RPH3A: variants seen among roughly 807,000 people sequenced by gnomAD.
The protein encoded by RPH3A is rabphilin-3A.
Under a neutral mutation model 102.2 loss-of-function variants are expected in RPH3A, and 48 were observed. The ratio of observed to expected loss-of-function variants is 0.47; its 90% confidence interval spans 0.37 to 0.60. RPH3A has a LOEUF of 0.60. RPH3A is among the 20% of genes least tolerant of loss of function. The pLI, the probability that RPH3A is intolerant of heterozygous loss-of-function variation, is 0.00. For missense variants in RPH3A, 781 were observed against 910.1 expected (o/e 0.86, Z 1.83); for synonymous variants, 310 against 324.3 (o/e 0.96, Z 0.47).
intron 4 of RPH3A, among the ~76,000 whole-genome samples, chr12:112,847,250 A>T (rs921550033): frequency 3.9e-5 from 6 of 152,212 alleles, no homozygotes; most frequent in Non-Finnish European, 8.8e-5. Context: ...ATTTATGTGA[A>T]TTCAAGAGAT....
At chr12:112,789,420 A>T (rs574950580), upstream of RPH3A, among the ~76,000 whole-genome samples, 1 of 152,230 alleles carries the variant, frequency 6.6e-6, no homozygotes, top group African/African-American at 2.4e-5. Context: ...TGTAGAATGC[A>T]TTTGAAATGA....
chr12:112,847,166 A>AAAAAG (rs2042244881), intron 4 of RPH3A, among the ~76,000 whole-genome samples: 1 of 152,236 alleles, frequency 6.6e-6, no homozygotes, highest in South Asian at 2.1e-4. Context: ...GTGTTCGCTT[A>AAAAAG]AAAAGAAAAG....
At chr12:112,693,451 C>G (rs761476930) in intron 1 of RPH3A, among the ~76,000 whole-genome samples, 1 of 152,248 alleles carries the variant, frequency 6.6e-6, no homozygotes, top group Non-Finnish European at 1.5e-5. Context: ...TTTCATCCAA[C>G]ATCTCATCCT....
chr12:112,880,577 A>G (rs1305233171), intron 14 of RPH3A, among the ~76,000 whole-genome samples: 1 of 152,174 alleles, frequency 6.6e-6, no homozygotes, highest in African/African-American at 2.4e-5. Context: ...AGTTGCTGCC[A>G]GCCCCATTGA....
intron 15 of RPH3A, among the ~76,000 whole-genome samples, chr12:112,882,661 T>C (rs955684616): frequency 6.6e-6 from 1 of 152,214 alleles, no homozygotes; most frequent in African/African-American, 2.4e-5. Flanking sequence ...CATGGCCAAA[T>C]TATGAAGTGT....
Position 112,648,570 on chromosome 12 carries a change from C to CAAAAAAA in RPH3A, c.-140+73273_-140+73279dup, listed in dbSNP as rs1167121829. On this transcript the variant is annotated intron_variant, in intron 1 of 21. Transcript: ENST00000543106. Reference sequence around the variant, plus strand: ...GCAACAGAGTGAAACCCCATCTCTACAAAAAAAAAAAAAAAAAAAAAAAAA... The same window carrying CAAAAAAA: ...GCAACAGAGTGAAACCCCATCTCTACAAAAAAAAAAAAAAAAAAAAAAAAAAAAAAAA... 3.2e-3 allele frequency among the ~76,000 whole-genome samples: 35 copies of CAAAAAAA among 11,044 alleles called. 14 individuals are homozygous for CAAAAAAA. Among genetic ancestry groups the CAAAAAAA allele is most frequent in the African/African-American group, 0.014 (35 of 2,480 alleles). 7.2% of individuals were successfully genotyped at this position (11,044 alleles called of 152,430 possible).
At chr12:112,847,410 A>C (rs1004705918) in intron 4 of RPH3A, among the ~76,000 whole-genome samples, 1 of 152,200 alleles carries the variant, frequency 6.6e-6, no homozygotes, top group African/African-American at 2.4e-5. Flanking sequence ...CTCCAGTTGT[A>C]GAAGTCTACT....
chr12:112,826,294 G>A (rs1045131164), intron 2 of RPH3A, among the ~76,000 whole-genome samples: 1 of 152,204 alleles, frequency 6.6e-6, no homozygotes, highest in Non-Finnish European at 1.5e-5. Flanking sequence ...TTGGGGCTGG[G>A]AAAGAGGGCG....
chr12:112,648,823 T>G (rs915236145), intron 1 of RPH3A, among the ~76,000 whole-genome samples: 2 of 151,828 alleles, frequency 1.3e-5, no homozygotes, highest in East Asian at 3.9e-4. Context: ...ACAAATTTAT[T>G]TATTTATTTA....
intron 1 of RPH3A, among the ~76,000 whole-genome samples, chr12:112,639,789 C>T (rs911798479): frequency 1.3e-5 from 2 of 152,166 alleles, no homozygotes; most frequent in Non-Finnish European, 2.9e-5. Flanking sequence ...ACCTTTATCA[C>T]AGGGGTAGGT....
At position 112,876,816 on chromosome 12, in the gene RPH3A, C is replaced by T. The variant is rs541230100; in HGVS notation, c.1121C>T (p.Pro374Leu). Reference protein sequence around the residue: ...PQPAAARQPPPPEEEEEEANS... With the variant: ...PQPAAARQPPLPEEEEEEANS... The stretch of plus-strand genomic sequence containing the variant: ...CCTGCTGCAGCCCGCCAGCCACCAC[C>T]CCCAGAGGAGGAGGAAGAGGAAGCC... The change falls in exon 13 of 22, where the codon CCC becomes CTC. Residue 374 changes from proline (P) to leucine (L), a missense_variant. Transcript: ENST00000389385. 3 of 1,610,112 alleles carry T rather than the reference C, an allele frequency of 1.9e-6. No individual in the cohort carries two copies. Among genetic ancestry groups the T allele is most frequent in the Non-Finnish European group, 2.5e-6 (3 of 1,177,846 alleles).
intron 1 of RPH3A, among the ~76,000 whole-genome samples, chr12:112,746,774 C>T (rs2040749716): frequency 6.6e-6 from 1 of 152,162 alleles, no homozygotes; most frequent in African/African-American, 2.4e-5. Flanking sequence ...GGCAGTTTCT[C>T]TGCCTCGTGC....
intron 1 of RPH3A, among the ~76,000 whole-genome samples, chr12:112,624,367 AG>A (rs1555279077): frequency 2.0e-5 from 3 of 150,396 alleles, no homozygotes; most frequent in Non-Finnish European, 4.4e-5. Flanking sequence ...AAAATGATAA[AG>A]GGGATATCAC....
At chr12:112,815,938 A>T (rs1383623803) in intron 2 of RPH3A, among the ~76,000 whole-genome samples, 1 of 152,144 alleles carries the variant, frequency 6.6e-6, no homozygotes, top group Non-Finnish European at 1.5e-5. Flanking sequence ...AATTGGCTGG[A>T]CCATGCAGGG....
At chr12:112,872,211 C>T (rs577327029) in intron 10 of RPH3A, among the ~76,000 whole-genome samples, 12 of 152,088 alleles carry the variant, frequency 7.9e-5, no homozygotes, top group Non-Finnish European at 1.8e-4. Flanking sequence ...ATTTGTTATT[C>T]TCTGGGTTTT....
At chr12:112,694,496 G>A (rs976801484) in intron 1 of RPH3A, among the ~76,000 whole-genome samples, 1 of 152,086 alleles carries the variant, frequency 6.6e-6, no homozygotes, top group African/African-American at 2.4e-5. Flanking sequence ...CCACCAAGCT[G>A]AGATTGTCAT....
At chr12:112,836,533 T>C in intron 4 of RPH3A, 31 bp downstream of exon 4, 1 of 1,180,802 alleles carries the variant, frequency 8.5e-7, no homozygotes, top group South Asian at 1.5e-5. Flanking sequence ...ATTTATTTAT[T>C]TTTTACAAAC....
At chr12:112,895,163 C>T (rs981500899) in intron 20 of RPH3A, among the ~76,000 whole-genome samples, 2 of 152,056 alleles carry the variant, frequency 1.3e-5, no homozygotes, top group African/African-American at 2.4e-5. Flanking sequence ...AGTGCAGTGG[C>T]GTGATCTTGG....
intron 1 of RPH3A, among the ~76,000 whole-genome samples, chr12:112,776,431 A>C (rs1202871680): frequency 3.9e-5 from 6 of 152,116 alleles, no homozygotes; most frequent in African/African-American, 1.4e-4. Flanking sequence ...TAGGTTGGTG[A>C]GTCTCTGGGA....
Sources: allele counts gnomAD v4.1 joint callset (sites outside exome capture counted in the v4.1 genomes callset), GRCh38; gene constraint gnomAD v4.1.1; transcripts MANE v1.5; gene names NCBI Gene and HGNC (gene_info 2026-07-23, HGNC 2026-07-21).